Variants in SND1 observed in about 807,000 individuals in gnomAD.
The protein encoded by SND1 is staphylococcal nuclease and tudor domain containing 1, also known as staphylococcal nuclease domain-containing protein 1.
In SND1, 38 loss-of-function variants were observed where a neutral mutation model predicts 121.7. The ratio of observed to expected loss-of-function variants is 0.31; its 90% CI spans 0.24 to 0.41. The LOEUF (loss-of-function observed/expected upper bound fraction) is 0.41, where lower values mean the gene tolerates loss of function less well. Among genes scored for constraint, SND1 ranks in the 10% least tolerant of loss-of-function variants. The pLI is 1.00. For missense variants in SND1, 868 were observed against 1,184.6 expected (o/e 0.73, Z 3.92); for synonymous variants, 401 against 447.4 (o/e 0.90, Z 1.31).
chr7:128,022,324 C>G (rs1046622298), intron 16 of SND1, among the ~76,000 whole-genome samples: 5 of 151,980 alleles, frequency 3.3e-5, no homozygotes, highest in African/African-American at 1.2e-4. Flanking sequence ...TAGTAATGTT[C>G]CTGAGTGTAC....
intron 10 of SND1, among the ~76,000 whole-genome samples, chr7:127,747,692 G>C (rs1294735692): frequency 6.6e-6 from 1 of 152,172 alleles, no homozygotes; most frequent in Non-Finnish European, 1.5e-5. Context: ...TAGGCCCACA[G>C]CATGGTATTT....
intron 13 of SND1, among the ~76,000 whole-genome samples, chr7:127,896,449 C>T (rs999958492): frequency 6.6e-6 from 1 of 152,130 alleles, no homozygotes; most frequent in African/African-American, 2.4e-5. Context: ...ACATCACTAT[C>T]GCTCGGAAAC....
chr7:127,721,334 A>T lies in SND1; in HGVS notation c.1086A>T (p.Ser362=), dbSNP rs774547896. The change falls in exon 10 of 24, where the codon TCA becomes TCT. Residue 362 remains serine, a synonymous_variant. Transcript: ENST00000354725. ...ATGCCATTGTTGTGAAGCTGAACTC[A>T]GGCGATTACAAGACGATTCACCTGT... ...NADAIVVKLN[S]GDYKTIHLSS... 17 of 1,613,676 alleles carry T rather than the reference A, an allele frequency of 1.1e-5. No homozygotes were observed. In the Admixed American group the frequency reaches 2.8e-4, roughly 27 times the overall value.
At chr7:127,739,833 C>T (rs1395198569) in intron 10 of SND1, among the ~76,000 whole-genome samples, 2 of 152,180 alleles carry the variant, frequency 1.3e-5, no homozygotes, top group Non-Finnish European at 2.9e-5. Flanking sequence ...TAGCACCTGC[C>T]TCTGTCTGGA....
At chr7:128,013,013 C>T (rs564843025) in intron 16 of SND1, among the ~76,000 whole-genome samples, 1 of 152,148 alleles carries the variant, frequency 6.6e-6, no homozygotes, top group Non-Finnish European at 1.5e-5. Context: ...CAAGTCACCC[C>T]CTGCACCTCT....
chr7:127,995,849 TAC>T (rs1344809356), intron 16 of SND1, among the ~76,000 whole-genome samples: 6 of 152,294 alleles, frequency 3.9e-5, no homozygotes, highest in African/African-American at 1.2e-4. Context: ...CTGTAGGAGG[TAC>T]AGTTTCTGAG....
intron 10 of SND1, among the ~76,000 whole-genome samples, chr7:127,770,151 C>G (rs572803845): frequency 6.6e-6 from 1 of 152,208 alleles, no homozygotes; most frequent in Non-Finnish European, 1.5e-5. Flanking sequence ...ATTGTGTGCA[C>G]TCATTGCTTA....
chr7:127,950,540 G>A (rs755423729), intron 15 of SND1, among the ~76,000 whole-genome samples: 25 of 152,190 alleles, frequency 1.6e-4, no homozygotes, highest in Non-Finnish European at 2.6e-4. Flanking sequence ...TATTGTCTGG[G>A]AAGGCCTTTG....
rs569560778 is a variant in SND1 at position 127,920,177 on chromosome 7, A to G, written c.1528-9011A>G. Among the ~76,000 whole-genome samples, 18 of 152,360 alleles carry G rather than the reference A, an allele frequency of 1.2e-4. No homozygotes were observed. The East Asian group carries it at 3.1e-3, about 26-fold the overall frequency. On this transcript the variant is annotated intron_variant, in intron 14 of 23. Transcript: ENST00000354725. ...AAGAGTAGGATAGTTTTTCTCCTGA[A>G]TAAAACTACAAAATCAATAGTGGAT... is the stretch of plus-strand genomic sequence containing the variant.
At chr7:127,909,690 C>G (rs1261911056) in intron 14 of SND1, among the ~76,000 whole-genome samples, 1 of 152,122 alleles carries the variant, frequency 6.6e-6, no homozygotes, top group Admixed American at 6.5e-5. Context: ...CTTTGGCCTC[C>G]CAAAGTATTG....
intron 21 of SND1, among the ~76,000 whole-genome samples, chr7:128,088,722 G>A (rs982989918): frequency 6.6e-6 from 1 of 151,634 alleles, no homozygotes; most frequent in Non-Finnish European, 1.5e-5. Context: ...CAAAGTGCTG[G>A]GATTACAGGC....
chr7:127,850,937 T>C (rs1475404243), intron 12 of SND1, among the ~76,000 whole-genome samples: 1 of 152,188 alleles, frequency 6.6e-6, no homozygotes, highest in East Asian at 1.9e-4. Context: ...AAGAAGGAAC[T>C]TGGCTGTTGC....
At position 127,807,335 on chromosome 7, in the gene SND1, C is replaced by T. The variant is rs1798255114; in HGVS notation, c.1153-149C>T. ...CTCAGTAAAGCATTTCAACCAAATACTTTTAATCATTTATTATGTGTCTTA... is the reference window on the plus strand; with the variant it reads ...CTCAGTAAAGCATTTCAACCAAATATTTTTAATCATTTATTATGTGTCTTA... On this transcript the variant is annotated intron_variant, in intron 10 of 23. Transcript: ENST00000354725. 1.5e-5 allele frequency: 9 copies of T among 604,302 alleles called. No individual in the cohort carries two copies. In the East Asian group the frequency reaches 2.6e-4, roughly 17 times the overall value. 37.4% of individuals were successfully genotyped at this position (604,302 alleles called of 1,614,324 possible).
At chr7:127,718,531 G>T in intron 9 of SND1, 5 of 984,002 alleles carry the variant, frequency 5.1e-6, no homozygotes, top group Non-Finnish European at 6.0e-6. Flanking sequence ...TCACCAGCAA[G>T]CTAAACCTTG....
At chr7:127,934,410 G>T (rs865897389) in intron 15 of SND1, among the ~76,000 whole-genome samples, 1 of 152,120 alleles carries the variant, frequency 6.6e-6, no homozygotes, top group East Asian at 1.9e-4. Flanking sequence ...TTAAGCAAGG[G>T]GGCAGCATGC....
intron 15 of SND1, among the ~76,000 whole-genome samples, chr7:127,945,377 G>T (rs1444648634): frequency 6.6e-6 from 1 of 152,090 alleles, no homozygotes; most frequent in Admixed American, 6.6e-5. Context: ...TGTAGTCCCA[G>T]CTACTTGGTA....
chr7:128,089,418 C>T (rs1234452289), intron 21 of SND1, 71 bp from the exon 22 acceptor site: 1 of 1,444,610 alleles, frequency 6.9e-7, no homozygotes, highest in East Asian at 2.3e-5. Flanking sequence ...TCTTGGGAGT[C>T]TATGGACAGG....
At chr7:127,691,647 T>C (rs1317503527) in intron 2 of SND1, among the ~76,000 whole-genome samples, 2 of 151,980 alleles carry the variant, frequency 1.3e-5, no homozygotes, top group African/African-American at 4.8e-5. Flanking sequence ...GAGCCTCGCT[T>C]TGTCGCCCGG....
At chr7:128,044,708 G>T (rs1792916808) in intron 16 of SND1, among the ~76,000 whole-genome samples, 2 of 132,380 alleles carry the variant, frequency 1.5e-5, no homozygotes, top group South Asian at 4.6e-4. Context: ...CAATTTAAGA[G>T]AATCTTCAAG....
Sources: gnomAD v4.1 joint callset for allele counts (sites outside exome capture counted in the v4.1 genomes callset) on GRCh38, gnomAD v4.1.1 for gene constraint, MANE v1.5 for transcripts, NCBI Gene and HGNC (gene_info 2026-07-23, HGNC 2026-07-21) for gene names.